Variants in PPP2R3A observed in about 807,000 individuals in gnomAD.
PPP2R3A encodes protein phosphatase 2 regulatory subunit B''alpha, also known as serine/threonine-protein phosphatase 2A regulatory subunit B'' subunit alpha.
PPP2R3A carries 80 observed loss-of-function variants against 106.9 expected under a neutral mutation model. The ratio of observed to expected loss-of-function variants is 0.75; its 90% confidence interval spans 0.62 to 0.90. The LOEUF is 0.90. PPP2R3A is among the 40% of genes least tolerant of loss of function. The pLI, the probability that PPP2R3A is intolerant of heterozygous loss-of-function variation, is 0.00. For synonymous variants in PPP2R3A, 483 were observed against 468.3 expected, an observed-to-expected ratio of 1.03 and a Z score of -0.41; for missense variants, 1,386 against 1,350.4, an observed-to-expected ratio of 1.03 and a Z score of -0.41.
chr3:136,103,321 T>G lies in PPP2R3A; in HGVS notation c.3167T>G (p.Phe1056Cys). Residue 1056 changes from phenylalanine (F) to cysteine (C), a missense_variant, in exon 12 of 14, where the codon TTT becomes TGT. Coordinates refer to ENST00000264977, the MANE Select transcript of PPP2R3A (RefSeq NM_002718.5). ...GCTCACATCTTCTATGACACTTTCT[T>G]TAATCTGGAGAAATACTTAGACCAT... ...RMAHIFYDTF[F>C]NLEKYLDHEQ... The G allele has an allele frequency of 6.2e-7, 1 of 1,611,334 alleles. No individual in the cohort carries two copies. The highest frequency in any genetic ancestry group is 8.5e-7 in the Non-Finnish European group (1 of 1,177,686).
intron 13 of PPP2R3A, among the ~76,000 whole-genome samples, chr3:136,142,841 T>C (rs1938932892): frequency 6.6e-6 from 1 of 151,982 alleles, no homozygotes; most frequent in African/African-American, 2.4e-5. Flanking sequence ...TTAACACTGA[T>C]AGCTTACAGA....
At chr3:135,966,820 A>G (rs1937101632) in intron 1 of PPP2R3A, among the ~76,000 whole-genome samples, 1 of 152,186 alleles carries the variant, frequency 6.6e-6, no homozygotes, top group African/African-American at 2.4e-5. Context: ...ATCTTCATTT[A>G]TGTACAAAAC....
intron 5 of PPP2R3A, among the ~76,000 whole-genome samples, chr3:136,065,763 C>T (rs1382884388): frequency 6.6e-6 from 1 of 152,190 alleles, no homozygotes; most frequent in African/African-American, 2.4e-5. Context: ...GCAGCCTCAA[C>T]TATGTGGGCT....
In PPP2R3A at chr3:136,070,553, G is replaced by C. The variant is rs768920215; in HGVS notation, c.2544+1G>C. 8 of 1,602,876 alleles carry C rather than the reference G, an allele frequency of 5.0e-6. No individual in the cohort carries two copies. Among genetic ancestry groups the C allele is most frequent in the Non-Finnish European group, 6.8e-6 (8 of 1,175,390 alleles). On this transcript the variant is annotated splice_donor_variant, in intron 6 of 13. Coordinates refer to ENST00000264977, the MANE Select transcript of PPP2R3A (RefSeq NM_002718.5). LOFTEE classifies it high-confidence loss of function. Reference sequence around the variant, plus strand: ...ATTCCACTCCCGCTACATCACCACGGTAGGCTGAGTCATCTTTTTTCTTAA... The same window carrying C: ...ATTCCACTCCCGCTACATCACCACGCTAGGCTGAGTCATCTTTTTTCTTAA...
At chr3:136,134,680 A>G (rs911762022) in intron 13 of PPP2R3A, among the ~76,000 whole-genome samples, 2 of 152,222 alleles carry the variant, frequency 1.3e-5, no homozygotes, top group Non-Finnish European at 2.9e-5. Flanking sequence ...TTGGTTTTTT[A>G]TACTGTTCTA....
At chr3:135,981,153 C>T (rs1300687201) in intron 1 of PPP2R3A, among the ~76,000 whole-genome samples, 5 of 151,924 alleles carry the variant, frequency 3.3e-5, no homozygotes, top group East Asian at 3.9e-4. Flanking sequence ...GTGAGCCAGA[C>T]GACTATTCAG....
intron 13 of PPP2R3A, among the ~76,000 whole-genome samples, chr3:136,144,615 C>G (rs1299761088): frequency 6.6e-6 from 1 of 151,370 alleles, no homozygotes; most frequent in Non-Finnish European, 1.5e-5. Context: ...GAGCCAAGAT[C>G]GTGCCACTTC....
chr3:136,139,443 C>T (rs1438637546), intron 13 of PPP2R3A, among the ~76,000 whole-genome samples: 1 of 152,086 alleles, frequency 6.6e-6, no homozygotes, highest in East Asian at 1.9e-4. Context: ...CACCTGTACT[C>T]CCAGCCCTTT....
intron 1 of PPP2R3A, among the ~76,000 whole-genome samples, chr3:135,973,866 C>G (rs983612416): frequency 6.6e-6 from 1 of 152,172 alleles, no homozygotes. Context: ...ACTCTCTTGA[C>G]TTTGCATTCC....
intron 2 of PPP2R3A, among the ~76,000 whole-genome samples, chr3:136,021,418 TAAAAG>T (rs879505175): frequency 2.0e-5 from 3 of 152,112 alleles, no homozygotes; most frequent in South Asian, 2.1e-4. Flanking sequence ...CTCTGCCACT[TAAAAG>T]AAATTCTTTA....
intron 1 of PPP2R3A, among the ~76,000 whole-genome samples, chr3:135,993,850 T>C (rs1933277434): frequency 6.6e-6 from 1 of 152,190 alleles, no homozygotes; most frequent in Non-Finnish European, 1.5e-5. Context: ...AAAGTACATA[T>C]GTAATTATGC....
intron 13 of PPP2R3A, among the ~76,000 whole-genome samples, chr3:136,140,912 AAATG>A (rs909606806): frequency 1.3e-5 from 2 of 152,310 alleles, no homozygotes; most frequent in South Asian, 2.1e-4. Context: ...TCTCAAAAAT[AAATG>A]AATGAATGAA....
chr3:136,089,010 T>C (rs1937027783), intron 9 of PPP2R3A, among the ~76,000 whole-genome samples: 1 of 152,128 alleles, frequency 6.6e-6, no homozygotes, highest in South Asian at 2.1e-4. Flanking sequence ...AGTTTAAGAA[T>C]ATTTTCTCCC....
intron 1 of PPP2R3A, among the ~76,000 whole-genome samples, chr3:135,982,873 G>A (rs1381435894): frequency 6.6e-6 from 1 of 152,130 alleles, no homozygotes; most frequent in Non-Finnish European, 1.5e-5. Flanking sequence ...TGGTAATTCA[G>A]GCTTGTGTCC....
intron 10 of PPP2R3A, among the ~76,000 whole-genome samples, chr3:136,094,010 A>G (rs1937158783): frequency 6.6e-6 from 1 of 152,234 alleles, no homozygotes; most frequent in African/African-American, 2.4e-5. Flanking sequence ...TGATCTATTC[A>G]TATAACCAAG....
At chr3:135,986,917 A>G (rs1270379662) in intron 1 of PPP2R3A, among the ~76,000 whole-genome samples, 1 of 152,146 alleles carries the variant, frequency 6.6e-6, no homozygotes, top group Non-Finnish European at 1.5e-5. Flanking sequence ...AAACTTATTT[A>G]AAGAGTTATT....
rs1445267710 is a variant in PPP2R3A at position 136,147,062 on chromosome 3, T to C, written c.*1896T>C. 6.6e-6 allele frequency: 1 copy of C among 152,170 alleles called. No individual in the cohort carries two copies. The highest frequency in any genetic ancestry group is 1.9e-4 in the East Asian group (1 of 5,194). The allele number at this position is 152,170 out of a possible 1,614,324, so 9.4% of individuals were successfully genotyped here. A position where few individuals can be genotyped will look rare whatever the true frequency, so the allele number is the denominator to read the frequency against. On this transcript the variant is annotated 3_prime_UTR_variant, in exon 14 of 14. Transcript: ENST00000264977. ...AAGTCCTCTTGCTTTCACTTTGATC[T>C]GGTTTTTGAAGTCTCTTAATTATTG...
chr3:136,067,314 A>G (rs1936290081), intron 5 of PPP2R3A, among the ~76,000 whole-genome samples: 1 of 152,242 alleles, frequency 6.6e-6, no homozygotes, highest in Non-Finnish European at 1.5e-5. Flanking sequence ...ACAAATGGAA[A>G]GTAACAGACA....
chr3:135,982,072 C>T (rs1049527677), intron 1 of PPP2R3A, among the ~76,000 whole-genome samples: 3 of 151,582 alleles, frequency 2.0e-5, no homozygotes, highest in African/African-American at 4.9e-5. Flanking sequence ...TGGTTAGGAT[C>T]GTGATTCTAA....
Sources: gnomAD v4.1 joint callset for allele counts (sites outside exome capture counted in the v4.1 genomes callset) on GRCh38, gnomAD v4.1.1 for gene constraint, MANE v1.5 for transcripts, NCBI Gene and HGNC (gene_info 2026-07-23, HGNC 2026-07-21) for gene names.